RAD51B: variants seen among roughly 807,000 people sequenced by gnomAD.
RAD51B encodes DNA repair protein RAD51 homolog 2.
Under a neutral mutation model 42.2 loss-of-function variants are expected in RAD51B, and 38 were observed. That is an observed-to-expected ratio of 0.90 (90% CI 0.70 to 1.18). The LOEUF is 1.18. RAD51B is among the 50% of genes most tolerant of loss of function. RAD51B has a pLI of 0.00. For synonymous variants in RAD51B, 154 were observed against 145.2 expected (o/e 1.06, Z -0.43); for missense variants, 373 against 400.7 (o/e 0.93, Z 0.59).
At chr14:68,550,274 T>C (rs1888465967) in intron 10 of RAD51B, among the ~76,000 whole-genome samples, 1 of 152,260 alleles carries the variant, frequency 6.6e-6, no homozygotes, top group Non-Finnish European at 1.5e-5. Flanking sequence ...GAGGGGTTAA[T>C]AGTCCTTAGG....
chr14:68,246,829 A>G (rs2080508870), intron 7 of RAD51B, among the ~76,000 whole-genome samples: 1 of 152,200 alleles, frequency 6.6e-6, no homozygotes, highest in Non-Finnish European at 1.5e-5. Context: ...TTTCTTTGCA[A>G]TTTTGAAAGG....
At chr14:67,881,058 C>T (rs1236722681) in intron 5 of RAD51B, among the ~76,000 whole-genome samples, 1 of 152,096 alleles carries the variant, frequency 6.6e-6, no homozygotes, top group Non-Finnish European at 1.5e-5. Flanking sequence ...AGGCTATGAA[C>T]CTGTACAGCA....
intron 10 of RAD51B, among the ~76,000 whole-genome samples, chr14:68,591,142 C>G (rs556607178): frequency 1.3e-5 from 2 of 152,266 alleles, no homozygotes; most frequent in South Asian, 4.2e-4. Flanking sequence ...GCATCTTTTC[C>G]CCAGTGGGTT....
At chr14:68,478,646 G>A (rs3784128), downstream of RAD51B, among the ~76,000 whole-genome samples, 9 of 152,326 alleles carry the variant, frequency 5.9e-5, no homozygotes, top group East Asian at 1.5e-3. Context: ...ATCTTACCCA[G>A]GTTGTTAGTG....
intron 7 of RAD51B, among the ~76,000 whole-genome samples, chr14:67,954,633 T>C (rs1364642872): frequency 1.3e-5 from 2 of 152,186 alleles, no homozygotes; most frequent in African/African-American, 4.8e-5. Context: ...AAAGAATAGG[T>C]ACATTTTAAA....
chr14:68,583,739 G>A (rs1440945055), intron 10 of RAD51B, among the ~76,000 whole-genome samples: 2 of 152,208 alleles, frequency 1.3e-5, no homozygotes, highest in Non-Finnish European at 2.9e-5. Context: ...GCCTATGGGT[G>A]TGCACACCAG....
intron 10 of RAD51B, among the ~76,000 whole-genome samples, chr14:68,589,126 G>A (rs868681652): frequency 6.6e-6 from 1 of 152,244 alleles, no homozygotes; most frequent in Middle Eastern, 3.4e-3. Flanking sequence ...ACCCATTCTG[G>A]GGATAACAGA....
intron 11 of RAD51B, among the ~76,000 whole-genome samples, chr14:68,659,518 C>T (rs969339066): frequency 3.3e-5 from 5 of 152,232 alleles, no homozygotes; most frequent in African/African-American, 9.6e-5. Context: ...GAATTGACAG[C>T]TTTGAAATCT....
At chr14:68,020,675 A>T (rs1278553553) in intron 7 of RAD51B, among the ~76,000 whole-genome samples, 1 of 152,092 alleles carries the variant, frequency 6.6e-6, no homozygotes, top group Non-Finnish European at 1.5e-5. Flanking sequence ...TCTGAGATGG[A>T]TGTTGTTGGT....
chr14:68,015,617 A>C (rs7350713), intron 7 of RAD51B, among the ~76,000 whole-genome samples: 6,966 of 152,260 alleles, frequency 0.046, 214 homozygotes, highest in Non-Finnish European at 0.074. Flanking sequence ...ATTCACTATC[A>C]TGAGAACAGC....
intron 8 of RAD51B, among the ~76,000 whole-genome samples, chr14:68,361,487 G>T (rs2083022943): frequency 6.6e-6 from 1 of 152,122 alleles, no homozygotes; most frequent in Admixed American, 6.5e-5. Context: ...ACTTAACTTT[G>T]CTCCCTAGAG....
chr14:68,183,556 A>G (rs1490462466), intron 7 of RAD51B, among the ~76,000 whole-genome samples: 1 of 152,196 alleles, frequency 6.6e-6, no homozygotes, highest in Non-Finnish European at 1.5e-5. Flanking sequence ...CAGTCCAATC[A>G]GGTTGACACT....
intron 7 of RAD51B, among the ~76,000 whole-genome samples, chr14:68,199,458 TAG>T (rs2079439234): frequency 1.3e-5 from 2 of 152,244 alleles, no homozygotes; most frequent in South Asian, 4.1e-4. Flanking sequence ...GTTCATGTAA[TAG>T]AGTTTACATT....
At chr14:68,191,445 A>C (rs1053414881) in intron 7 of RAD51B, among the ~76,000 whole-genome samples, 1 of 152,244 alleles carries the variant, frequency 6.6e-6, no homozygotes, top group African/African-American at 2.4e-5. Flanking sequence ...ATGGTTACTT[A>C]CCAATTAAAA....
rs184688756 is a variant in RAD51B at position 68,110,092 on chromosome 14, A to G, written c.757-181792A>G. Among the ~76,000 whole-genome samples the G allele has an allele frequency of 2.6e-3, 403 of 152,124 alleles. 2 individuals are homozygous for G. Among genetic ancestry groups the G allele is most frequent in the Non-Finnish European group, 3.7e-3 (251 of 67,952 alleles). On this transcript the variant is annotated intron_variant, in intron 7 of 10. Transcript: ENST00000471583. ...TAAATGTCTGCTAATTTCAGGGACC[A>G]TCATACTTAGGAGCTAGTATACTAA...
chr14:68,562,244 A>AC (rs1175656587), intron 10 of RAD51B: 5 of 985,388 alleles, frequency 5.1e-6, no homozygotes, highest in Non-Finnish European at 4.8e-6. Flanking sequence ...TACTGAAAGA[A>AC]CCACTCAACA....
At chr14:68,632,219 C>T (rs1257361440) in intron 10 of RAD51B, among the ~76,000 whole-genome samples, 2 of 152,154 alleles carry the variant, frequency 1.3e-5, no homozygotes, top group Non-Finnish European at 2.9e-5. Flanking sequence ...GTGTCTGGAG[C>T]TTCACATCCT....
At chr14:68,015,473 T>G (rs2075762849) in intron 7 of RAD51B, among the ~76,000 whole-genome samples, 1 of 152,186 alleles carries the variant, frequency 6.6e-6, no homozygotes, top group Admixed American at 6.5e-5. Context: ...GATTCACAGT[T>G]CCACATGGCT....
intron 10 of RAD51B, among the ~76,000 whole-genome samples, chr14:68,604,891 C>G (rs1443959685): frequency 6.6e-6 from 1 of 152,098 alleles, no homozygotes; most frequent in Non-Finnish European, 1.5e-5. Context: ...CGGAGAGTGA[C>G]ACTTTGGACA....
Sources: allele counts gnomAD v4.1 joint callset (sites outside exome capture counted in the v4.1 genomes callset), GRCh38; gene constraint gnomAD v4.1.1; transcripts MANE v1.5; gene names NCBI Gene and HGNC (gene_info 2026-07-23, HGNC 2026-07-21).